The following SORBS2 variants were observed in gnomAD, a reference collection of about 807,000 sequenced individuals.
The protein encoded by SORBS2 is sorbin and SH3 domain containing 2.
SORBS2 carries 46 observed loss-of-function variants against 97.7 expected under a neutral mutation model. The observed-to-expected ratio is 0.47, with a 90% CI of 0.37 to 0.60. SORBS2 has a LOEUF of 0.60. Among genes scored for constraint, SORBS2 ranks in the 20% least tolerant of loss-of-function variants. SORBS2 has a pLI of 0.00. For missense variants in SORBS2, 1,316 were observed against 1,282.3 expected, an observed-to-expected ratio of 1.03 and a Z score of -0.40; for synonymous variants, 476 against 473.4, an observed-to-expected ratio of 1.01 and a Z score of -0.07.
chr4:185,729,386 T>A (rs2098595670), intron 2 of SORBS2, among the ~76,000 whole-genome samples: 2 of 152,198 alleles, frequency 1.3e-5, no homozygotes, highest in African/African-American at 2.4e-5. Flanking sequence ...TAGACAGGGT[T>A]TCCATCCGTA....
chr4:185,831,377 C>G (rs997705531), intron 1 of SORBS2, among the ~76,000 whole-genome samples: 2 of 152,190 alleles, frequency 1.3e-5, no homozygotes, highest in African/African-American at 4.8e-5. Flanking sequence ...CTATTCTTAG[C>G]CTTGACTTTG....
At chr4:185,876,000 T>C (rs1279191811) in intron 1 of SORBS2, among the ~76,000 whole-genome samples, 2 of 152,264 alleles carry the variant, frequency 1.3e-5, no homozygotes, top group Admixed American at 1.3e-4. Flanking sequence ...TTTCTCTCAA[T>C]AACAAACTCT....
At chr4:185,592,486 T>TAA (rs2095972622) in intron 13 of SORBS2, among the ~76,000 whole-genome samples, 2 of 152,316 alleles carry the variant, frequency 1.3e-5, no homozygotes, top group Admixed American at 1.3e-4. Context: ...ATCGTTTGGG[T>TAA]AAATAAGAGA....
intron 2 of SORBS2, among the ~76,000 whole-genome samples, chr4:185,768,709 A>AAAAAC (rs1460548781): frequency 5.7e-5 from 5 of 87,640 alleles, no homozygotes; most frequent in Non-Finnish European, 1.2e-4. Flanking sequence ...AAAAAAAAAA[A>AAAAAC]AACAAAAAAA....
intron 1 of SORBS2, chr4:185,918,047 A>T (rs1321151944): frequency 6.6e-6 from 1 of 152,236 alleles, no homozygotes; most frequent in Non-Finnish European, 1.5e-5. Flanking sequence ...CAGCTGAGAC[A>T]CATTCTAACA....
chr4:185,767,447 C>T (rs2098941845), intron 2 of SORBS2, among the ~76,000 whole-genome samples: 1 of 136,806 alleles, frequency 7.3e-6, no homozygotes, highest in Non-Finnish European at 1.5e-5. Context: ...TTGCAGTGAG[C>T]CGAGATCGCG....
chr4:185,731,864 CTCTATATA>C lies in SORBS2; in HGVS notation c.-198+43355_-198+43362del, dbSNP rs1464822029. The stretch of plus-strand genomic sequence containing the variant: ...TCTCTCTCTCTCTCTCTCTCTCTCT[CTCTATATA>C]TATATATATATATATATATATATAT... On this transcript the variant is annotated intron_variant, in intron 2 of 20. Coordinates refer to the SORBS2 transcript ENST00000284776. 6.6e-3 allele frequency among the ~76,000 whole-genome samples: 191 copies of C among 28,964 alleles called. 1 individual carries two copies. The highest frequency in any genetic ancestry group is 0.019 in the Middle Eastern group (1 of 54). 19.0% of individuals were successfully genotyped at this position (28,964 alleles called of 152,430 possible).
intron 1 of SORBS2, among the ~76,000 whole-genome samples, chr4:185,785,055 C>T (rs1237716948): frequency 1.3e-5 from 2 of 151,834 alleles, no homozygotes; most frequent in Non-Finnish European, 2.9e-5. Context: ...ATTCTGTTCT[C>T]GGTGGACACT....
intron 4 of SORBS2, among the ~76,000 whole-genome samples, chr4:185,638,401 G>A (rs138717346): frequency 2.4e-4 from 37 of 152,276 alleles, no homozygotes; most frequent in South Asian, 6.2e-4. Context: ...GTTTCTGATT[G>A]GCATAAGTTG....
intron 1 of SORBS2, among the ~76,000 whole-genome samples, chr4:185,828,417 T>G (rs1022073900): frequency 3.3e-5 from 5 of 152,002 alleles, no homozygotes; most frequent in Admixed American, 2.6e-4. Flanking sequence ...GTGGACACCT[T>G]AGTTCTGAAA....
At chr4:185,817,626 C>A (rs961924283) in intron 1 of SORBS2, among the ~76,000 whole-genome samples, 1 of 152,232 alleles carries the variant, frequency 6.6e-6, no homozygotes, top group Non-Finnish European at 1.5e-5. Flanking sequence ...AAGCACTGGG[C>A]TCTGCCGTCA....
At chr4:185,705,746 C>T (rs2098333635) in intron 2 of SORBS2, among the ~76,000 whole-genome samples, 1 of 152,080 alleles carries the variant, frequency 6.6e-6, no homozygotes, top group Admixed American at 6.5e-5. Context: ...TGGAATGACT[C>T]CCATCGTGAA....
chr4:185,649,145 G>T (rs769575650), intron 3 of SORBS2, among the ~76,000 whole-genome samples: 12 of 152,140 alleles, frequency 7.9e-5, no homozygotes, highest in Admixed American at 3.9e-4. Flanking sequence ...GAACTGCATA[G>T]CCTGTAACCT....
intron 1 of SORBS2, among the ~76,000 whole-genome samples, chr4:185,799,695 C>G (rs114384608): frequency 1.3e-5 from 2 of 152,164 alleles, no homozygotes; most frequent in African/African-American, 2.4e-5. Context: ...CAGGAACAAC[C>G]AACACCAGTA....
At chr4:185,802,816 T>C (rs572063089) in intron 1 of SORBS2, among the ~76,000 whole-genome samples, 2 of 152,334 alleles carry the variant, frequency 1.3e-5, no homozygotes, top group South Asian at 4.1e-4. Flanking sequence ...CCCAAGAGAA[T>C]GCACTGACAA....
chr4:185,606,192 G>A lies in SORBS2; in HGVS notation c.2796+5588C>T, dbSNP rs989734892. 4 of 985,198 alleles carry A rather than the reference G, an allele frequency of 4.1e-6. No homozygotes were observed. The African/African-American group carries it at 5.2e-5, about 13-fold the overall frequency. The allele number at this position is 985,198 out of a possible 1,614,324, so 61.0% of individuals were successfully genotyped here. ...CATCAACTTCCTCTTCTCTAAAGTG[G>A]GGATGATAATGTCACACACCTCACT... is the stretch of plus-strand genomic sequence containing the variant. On this transcript the variant is annotated intron_variant, in intron 12 of 14. Transcript: ENST00000418609. This position sits in a 1 kb window ranked among gnomAD's most constrained non-coding sequence, Gnocchi z 4.3.
chr4:185,605,354 T>C (rs28605611), intron 12 of SORBS2, among the ~76,000 whole-genome samples: 3,042 of 152,332 alleles, frequency 0.02, 81 homozygotes, highest in African/African-American at 0.067. Context: ...ACAACTTCAG[T>C]TCACTGCAAC....
chr4:185,662,775 T>G (rs954535280), intron 4 of SORBS2, among the ~76,000 whole-genome samples: 2 of 152,240 alleles, frequency 1.3e-5, no homozygotes, highest in African/African-American at 4.8e-5. Context: ...TGAAGCAACC[T>G]ATTCTAGAAG....
intron 2 of SORBS2, among the ~76,000 whole-genome samples, chr4:185,762,137 T>C (rs2098898146): frequency 6.6e-6 from 1 of 152,160 alleles, no homozygotes; most frequent in Admixed American, 6.5e-5. Context: ...TGAAGACGTG[T>C]ATGTAAGTAG....
Sources: allele counts gnomAD v4.1 joint callset (sites outside exome capture counted in the v4.1 genomes callset), GRCh38; gene constraint gnomAD v4.1.1; non-coding constraint Gnocchi (gnomAD v3.1); transcripts MANE v1.5; gene names NCBI Gene and HGNC (gene_info 2026-07-23, HGNC 2026-07-21).